Variants in DLG2 observed in about 807,000 individuals in gnomAD.
DLG2 encodes the protein discs large MAGUK scaffold protein 2.
Under a neutral mutation model 132.5 loss-of-function variants are expected in DLG2, and 45 were observed. The ratio of observed to expected loss-of-function variants is 0.34; its 90% CI spans 0.27 to 0.44. The LOEUF (loss-of-function observed/expected upper bound fraction) is 0.44, where lower values mean the gene tolerates loss of function less well. Ranked by LOEUF, DLG2 falls within the 20% of genes least tolerant of loss-of-function variation. DLG2 has a pLI of 1.00. For synonymous variants in DLG2, 424 were observed against 419.6 expected (o/e 1.01, Z -0.13); for missense variants, 1,045 against 1,196.9 (o/e 0.87, Z 1.87).
intron 7 of DLG2, among the ~76,000 whole-genome samples, chr11:84,314,967 A>G (rs2098339338): frequency 6.6e-6 from 1 of 152,168 alleles, no homozygotes; most frequent in South Asian, 2.1e-4. Context: ...AAAACATTGA[A>G]AATCCTAAAA....
intron 3 of DLG2, among the ~76,000 whole-genome samples, chr11:85,465,783 T>A (rs544047323): frequency 3.3e-5 from 5 of 152,010 alleles, no homozygotes; most frequent in Non-Finnish European, 7.4e-5. Context: ...CATGTGTCTT[T>A]ATAGCAGCAT....
intron 7 of DLG2, among the ~76,000 whole-genome samples, chr11:84,308,071 T>C (rs142235196): frequency 6.6e-6 from 1 of 152,136 alleles, no homozygotes; most frequent in African/African-American, 2.4e-5. Flanking sequence ...AACGCAGAAG[T>C]AGACCCCAGC....
intron 7 of DLG2, among the ~76,000 whole-genome samples, chr11:84,502,506 G>A (rs142389895): frequency 1.9e-4 from 29 of 149,624 alleles, no homozygotes; most frequent in Non-Finnish European, 1.6e-4. Context: ...AGCGATTCTC[G>A]TTATTCAGCT....
At chr11:84,082,434 T>A (rs749874047) in intron 10 of DLG2, among the ~76,000 whole-genome samples, 1 of 152,224 alleles carries the variant, frequency 6.6e-6, no homozygotes, top group East Asian at 1.9e-4. Context: ...ATCAGAGAAA[T>A]ACATTATCTT....
chr11:84,474,339 T>A (rs769398789), intron 7 of DLG2, among the ~76,000 whole-genome samples: 1 of 152,092 alleles, frequency 6.6e-6, no homozygotes, highest in Admixed American at 6.6e-5. Flanking sequence ...TCTAATTTAA[T>A]CCTCACAACA....
At chr11:84,115,069 T>C (rs1472855047) in intron 9 of DLG2, among the ~76,000 whole-genome samples, 5 of 152,184 alleles carry the variant, frequency 3.3e-5, no homozygotes, top group South Asian at 2.1e-4. Context: ...GCAAGGCCCA[T>C]TGGCAGTGGT....
intron 6 of DLG2, among the ~76,000 whole-genome samples, chr11:84,771,102 C>T (rs1251855855): frequency 6.6e-6 from 1 of 152,072 alleles, no homozygotes; most frequent in African/African-American, 2.4e-5. Context: ...GTCTTTATAA[C>T]AGAATAATTT....
chr11:85,568,880 T>C (rs957999108), intron 3 of DLG2, among the ~76,000 whole-genome samples: 4 of 152,204 alleles, frequency 2.6e-5, no homozygotes, highest in Non-Finnish European at 5.9e-5. Context: ...TGATTCTCTC[T>C]GTTGTATTTC....
intron 15 of DLG2, among the ~76,000 whole-genome samples, chr11:83,889,688 A>G (rs916279987): frequency 2.8e-4 from 42 of 152,232 alleles, no homozygotes; most frequent in African/African-American, 9.1e-4. Flanking sequence ...TATTCACAAT[A>G]GCAAAGACTT....
chr11:83,981,870 T>C (rs919155252), intron 11 of DLG2, among the ~76,000 whole-genome samples: 5 of 152,210 alleles, frequency 3.3e-5, no homozygotes, highest in Non-Finnish European at 7.3e-5. Flanking sequence ...TCTTAACTTA[T>C]ATTAAACTAT....
At chr11:84,343,733 A>G (rs1285133317) in intron 7 of DLG2, among the ~76,000 whole-genome samples, 7 of 152,216 alleles carry the variant, frequency 4.6e-5, no homozygotes, top group Non-Finnish European at 7.3e-5. Context: ...ATGGTAAAAT[A>G]TAGAAAAATT....
chr11:85,416,631 G>T (rs190799960), intron 3 of DLG2, among the ~76,000 whole-genome samples: 8 of 152,196 alleles, frequency 5.3e-5, no homozygotes, highest in Non-Finnish European at 1.5e-5. Context: ...GCAGTGGTTT[G>T]TAGTTCTCCT....
At chr11:84,841,080 A>C (rs2080608320) in intron 6 of DLG2, among the ~76,000 whole-genome samples, 1 of 151,918 alleles carries the variant, frequency 6.6e-6, no homozygotes, top group Non-Finnish European at 1.5e-5. Flanking sequence ...CAGCAATAAA[A>C]AGAGTGCAGT....
At chr11:85,135,330 G>T (rs2076072146) in intron 5 of DLG2, among the ~76,000 whole-genome samples, 1 of 152,202 alleles carries the variant, frequency 6.6e-6, no homozygotes, top group Non-Finnish European at 1.5e-5. Context: ...TTAATTCCAA[G>T]TCCAGGTCTT....
chr11:83,842,824 AAAAAAAAAAG>A (rs1488593896), intron 16 of DLG2, among the ~76,000 whole-genome samples: 1 of 147,000 alleles, frequency 6.8e-6, no homozygotes, highest in Non-Finnish European at 1.5e-5. Context: ...TCCAAAAAAA[AAAAAAAAAAG>A]AAGGAAAATT....
chr11:85,293,288 C>A (rs1335354528), intron 3 of DLG2, among the ~76,000 whole-genome samples: 1 of 152,102 alleles, frequency 6.6e-6, no homozygotes, highest in Non-Finnish European at 1.5e-5. Flanking sequence ...ATGGGCCAGG[C>A]ATGGTGGCTT....
intron 19 of DLG2, among the ~76,000 whole-genome samples, chr11:83,562,463 T>A (rs185434306): frequency 1.4e-3 from 212 of 152,230 alleles, no homozygotes; most frequent in Non-Finnish European, 2.2e-3. Flanking sequence ...TAGATGGTGA[T>A]GATCCTAGTA....
chr11:84,597,673 G>T (rs1392381439), intron 6 of DLG2, among the ~76,000 whole-genome samples: 2 of 152,104 alleles, frequency 1.3e-5, no homozygotes, highest in Non-Finnish European at 2.9e-5. Context: ...TGTAAATAAA[G>T]AAAAATCTAT....
chr11:83,506,570 C>T (rs1034121374), intron 21 of DLG2, among the ~76,000 whole-genome samples: 5 of 152,150 alleles, frequency 3.3e-5, no homozygotes, highest in Admixed American at 6.5e-5. Context: ...TTGCCTGGCA[C>T]CTGCCTCAGG....
Sources: allele counts gnomAD v4.1 joint callset (sites outside exome capture counted in the v4.1 genomes callset), GRCh38; gene constraint gnomAD v4.1.1; transcripts MANE v1.5; gene names NCBI Gene and HGNC (gene_info 2026-07-23, HGNC 2026-07-21).